Variants in SGIP1 observed in about 807,000 individuals in gnomAD.
The protein encoded by SGIP1 is SH3-containing GRB2-like protein 3-interacting protein 1.
A neutral mutation model predicts 107.5 loss-of-function variants in SGIP1; 38 were observed. That is an observed-to-expected ratio of 0.35 (90% CI 0.27 to 0.46). The LOEUF is 0.46. Among genes scored for constraint, SGIP1 ranks in the 20% least tolerant of loss-of-function variants. The pLI, the probability that SGIP1 is intolerant of heterozygous loss-of-function variation, is 1.00. For missense variants in SGIP1, 929 were observed against 1,019.5 expected, an observed-to-expected ratio of 0.91 and a Z score of 1.21; for synonymous variants, 365 against 366.1, an observed-to-expected ratio of 1.00 and a Z score of 0.03.
intron 18 of SGIP1, among the ~76,000 whole-genome samples, chr1:66,716,202 G>T (rs1273020515): frequency 6.6e-6 from 1 of 151,992 alleles, no homozygotes; most frequent in East Asian, 1.9e-4. Context: ...CCCAGACTAG[G>T]GACCAATCTC....
chr1:66,707,438 T>G (rs2092604033), intron 18 of SGIP1, among the ~76,000 whole-genome samples: 1 of 152,190 alleles, frequency 6.6e-6, no homozygotes, highest in Non-Finnish European at 1.5e-5. Context: ...ACTCTTTGCA[T>G]TGATAGTTTA....
In SGIP1 at chr1:66,682,181, TAGA is replaced by T. The variant is rs1384134049; in HGVS notation, c.1133_1135del (p.Glu378del). 14 of 1,614,098 alleles carry T rather than the reference TAGA, an allele frequency of 8.7e-6. No homozygotes were observed. Among genetic ancestry groups the T allele is most frequent in the African/African-American group, 1.3e-5 (1 of 74,948 alleles). On this transcript the variant is annotated inframe_deletion, in exon 15 of 25. Transcript: ENST00000371037. Reference sequence around the variant, plus strand: ...CGCAATGTACTATCGCCGCTCAATTTAGAAGAAGTCCAGAAGAAAGTCGCTGAG... The same window carrying T: ...CGCAATGTACTATCGCCGCTCAATTTAGAAGTCCAGAAGAAAGTCGCTGAG...
intron 18 of SGIP1, among the ~76,000 whole-genome samples, chr1:66,717,231 T>A (rs1007737560): frequency 4.6e-5 from 7 of 152,148 alleles, no homozygotes; most frequent in African/African-American, 1.7e-4. Context: ...AGTCCAGCCC[T>A]CTTACCACTG....
intron 20 of SGIP1, among the ~76,000 whole-genome samples, chr1:66,732,060 C>G (rs2094037634): frequency 6.6e-6 from 1 of 152,196 alleles, no homozygotes; most frequent in Non-Finnish European, 1.5e-5. Context: ...GAAATTATCA[C>G]AGACCTATGA....
At chr1:66,595,102 A>G (rs1382207378) in intron 1 of SGIP1, among the ~76,000 whole-genome samples, 1 of 152,150 alleles carries the variant, frequency 6.6e-6, no homozygotes, top group East Asian at 1.9e-4. Flanking sequence ...CCTCACCTGA[A>G]CCATGCTAAA....
intron 1 of SGIP1, among the ~76,000 whole-genome samples, chr1:66,554,971 A>G (rs2057975533): frequency 6.6e-6 from 1 of 152,168 alleles, no homozygotes; most frequent in Non-Finnish European, 1.5e-5. Flanking sequence ...TGCTTAAATC[A>G]TCTCAACTGG....
At chr1:66,715,545 A>G (rs1377337531) in intron 18 of SGIP1, among the ~76,000 whole-genome samples, 1 of 152,072 alleles carries the variant, frequency 6.6e-6, no homozygotes, top group Non-Finnish European at 1.5e-5. Context: ...GTATCATTAC[A>G]CTGAACAGTG....
rs1461146489 is a variant in SGIP1 at position 66,749,741 on chromosome 1, C to T, written c.*6646C>T. On this transcript the variant is annotated 3_prime_UTR_variant, in exon 25 of 25. Coordinates refer to ENST00000371037, the MANE Select transcript of SGIP1 (RefSeq NM_032291.4). The stretch of plus-strand genomic sequence containing the variant: ...ATCTCGCTCATTCAGTTTTACATTA[C>T]TTTTATGAATTTTTTTTCTCGCAAA... Among the ~76,000 whole-genome samples the T allele has an allele frequency of 1.3e-5, 2 of 151,956 alleles. No individual in the cohort carries two copies. Among genetic ancestry groups the T allele is most frequent in the African/African-American group, 2.4e-5 (1 of 41,424 alleles).
chr1:66,677,187 A>G, intron 13 of SGIP1, 91 bp downstream of exon 13: 7 of 990,316 alleles, frequency 7.1e-6, no homozygotes, highest in South Asian at 4.2e-5. Context: ...TAAAAAGTCT[A>G]TGTAAGCAAC....
At chr1:66,641,276 A>T (rs1044142175) in intron 5 of SGIP1, among the ~76,000 whole-genome samples, 1 of 152,212 alleles carries the variant, frequency 6.6e-6, no homozygotes, top group Admixed American at 6.5e-5. Flanking sequence ...TCATTTTGCT[A>T]TGTATATGCA....
chr1:66,640,498 T>C (rs192834412), intron 5 of SGIP1, among the ~76,000 whole-genome samples: 49 of 152,064 alleles, frequency 3.2e-4, no homozygotes, highest in Non-Finnish European at 6.5e-4. Flanking sequence ...AGGCTGAACA[T>C]TTGGGGGAAG....
chr1:66,689,253 G>A lies in SGIP1; in HGVS notation c.1421G>A (p.Gly474Glu), dbSNP rs1274735625. 6.2e-7 allele frequency: 1 copy of A among 1,613,460 alleles called. No individual in the cohort carries two copies. The highest frequency in any genetic ancestry group is 8.5e-7 in the Non-Finnish European group (1 of 1,179,682). ...CCATCCCGGCCAAAGCTACCTCCAG[G>A]AAAACCTGGAGTTGGAGATGTGGTA... ...RPPSRPKLPP[G>E]KPGVGDVSRP... Residue 474 changes from glycine (G) to glutamate (E), a missense_variant, in exon 16 of 25, where the codon GGA becomes GAA. Around this residue, in one of 2 missense-constraint regions of SGIP1, gnomAD observed 588 missense variants for 588.6 expected, o/e 1.00. Transcript: ENST00000371037.
chr1:66,545,481 C>A (rs1300484789), intron 1 of SGIP1, among the ~76,000 whole-genome samples: 2 of 152,170 alleles, frequency 1.3e-5, no homozygotes, highest in Non-Finnish European at 2.9e-5. Flanking sequence ...CTCTAGGGAG[C>A]TAGTGAACAT....
intron 1 of SGIP1, among the ~76,000 whole-genome samples, chr1:66,586,645 C>T (rs1041407299): frequency 7.9e-5 from 12 of 151,892 alleles, no homozygotes; most frequent in Non-Finnish European, 1.6e-4. Context: ...TAAATATTTC[C>T]TCTATATGCT....
At chr1:66,663,799 G>A (rs6680876) in intron 8 of SGIP1, among the ~76,000 whole-genome samples, 98,460 of 152,040 alleles carry the variant, frequency 0.65, 32,807 homozygotes, top group East Asian at 1. Context: ...TGTGATTAAA[G>A]TATAGGTTTA....
intron 7 of SGIP1, among the ~76,000 whole-genome samples, chr1:66,649,452 C>G (rs966560942): frequency 6.6e-6 from 1 of 152,138 alleles, no homozygotes; most frequent in African/African-American, 2.4e-5. Context: ...GACAAACAAA[C>G]AGCTACCTTA....
chr1:66,709,069 A>G (rs922581802), intron 18 of SGIP1, among the ~76,000 whole-genome samples: 1 of 151,856 alleles, frequency 6.6e-6, no homozygotes, highest in African/African-American at 2.4e-5. Context: ...TCTGGGATAC[A>G]TGCGCAGAAC....
At chr1:66,734,153 A>G (rs2094132984) in intron 21 of SGIP1, among the ~76,000 whole-genome samples, 1 of 152,188 alleles carries the variant, frequency 6.6e-6, no homozygotes. Context: ...AAAACATTAT[A>G]CTAATTAAGA....
rs570067011 is a variant in SGIP1, at chr1:66,695,255, T to TAAAAAAAAAAAAAAAAAAAAAA, written c.1571-163_1571-162insAAAAAAAAAAAAAAAAAAAAAA. 6.3e-6 allele frequency: 6 copies of TAAAAAAAAAAAAAAAAAAAAAA among 949,922 alleles called. No homozygotes were observed. In the African/African-American group the frequency reaches 1.4e-4, roughly 23 times the overall value. 58.8% of individuals were successfully genotyped at this position (949,922 alleles called of 1,614,324 possible). Reference sequence around the variant, plus strand: ...TGCTTTTGCTTTCTGTTTCCTGAACTAAAAAAAAAAAAAAAAGTGTAGATT... The same window carrying TAAAAAAAAAAAAAAAAAAAAAA: ...TGCTTTTGCTTTCTGTTTCCTGAACTAAAAAAAAAAAAAAAAAAAAAAAAAAAAAAAAAAAAAAGTGTAGATT... On this transcript the variant is annotated intron_variant, in intron 17 of 24. Transcript: ENST00000371037.
Sources: allele counts gnomAD v4.1 joint callset (sites outside exome capture counted in the v4.1 genomes callset), GRCh38; gene constraint gnomAD v4.1.1; regional missense constraint gnomAD v4.1.1; transcripts MANE v1.5; gene names NCBI Gene and HGNC (gene_info 2026-07-23, HGNC 2026-07-21).